NALF1: variants seen among roughly 807,000 people sequenced by gnomAD.
The protein encoded by NALF1 is NALCN channel auxiliary factor 1.
NALF1 carries 3 observed loss-of-function variants against 48.4 expected under a neutral mutation model. The ratio of observed to expected loss-of-function variants is 0.06; its 90% CI spans 0.03 to 0.16. The LOEUF (loss-of-function observed/expected upper bound fraction) is 0.16. NALF1 is among the 10% of genes least tolerant of loss of function. The probability of loss-of-function intolerance (pLI) is 1.00; values close to 1 mark genes in which losing one functional copy is unlikely to be tolerated. For missense variants in NALF1, 526 were observed against 571.5 expected (o/e 0.92, Z 0.81); for synonymous variants, 262 against 245.7 (o/e 1.07, Z -0.62).
intron 1 of NALF1, among the ~76,000 whole-genome samples, chr13:107,567,952 C>T (rs1877863926): frequency 6.6e-6 from 1 of 151,874 alleles, no homozygotes; most frequent in Non-Finnish European, 1.5e-5. Flanking sequence ...TTTTGTATAC[C>T]AATGTTTTGT....
intron 1 of NALF1, among the ~76,000 whole-genome samples, chr13:107,560,903 C>T (rs1023723821): frequency 6.6e-6 from 1 of 152,170 alleles, no homozygotes; most frequent in African/African-American, 2.4e-5. Context: ...TTATTTTCAA[C>T]ATTCCTTTTT....
intron 1 of NALF1, among the ~76,000 whole-genome samples, chr13:107,408,124 G>T (rs1883930922): frequency 6.6e-6 from 1 of 152,006 alleles, no homozygotes; most frequent in African/African-American, 2.4e-5. Flanking sequence ...GATAGCCTGG[G>T]AGTGCACAGG....
At chr13:107,594,074 C>T (rs921410702) in intron 1 of NALF1, among the ~76,000 whole-genome samples, 2 of 151,972 alleles carry the variant, frequency 1.3e-5, no homozygotes, top group African/African-American at 4.8e-5. Flanking sequence ...CATTCATCTC[C>T]TTTTCTTCAA....
intron 1 of NALF1, among the ~76,000 whole-genome samples, chr13:107,763,286 T>C (rs1877318400): frequency 1.3e-5 from 2 of 151,864 alleles, no homozygotes; most frequent in Admixed American, 1.3e-4. Context: ...CAAACTTTAA[T>C]GGGTAAAAAT....
intron 1 of NALF1, among the ~76,000 whole-genome samples, chr13:107,214,517 C>CA (rs1879832386): frequency 6.6e-6 from 1 of 152,130 alleles, no homozygotes; most frequent in Admixed American, 6.5e-5. Flanking sequence ...TCTCTGGTGA[C>CA]AGAGTAATGG....
At chr13:107,507,089 G>A (rs139216180) in intron 1 of NALF1, among the ~76,000 whole-genome samples, 414 of 152,098 alleles carry the variant, frequency 2.7e-3, no homozygotes, top group Non-Finnish European at 4.5e-3. Context: ...GTTCTTTCAC[G>A]AAACTTGTGA....
chr13:107,203,942 G>T (rs1241450037), intron 2 of NALF1, among the ~76,000 whole-genome samples: 4 of 152,244 alleles, frequency 2.6e-5, no homozygotes, highest in Non-Finnish European at 5.9e-5. Flanking sequence ...GCAGAGGGGG[G>T]CAGAGGGAGG....
intron 1 of NALF1, among the ~76,000 whole-genome samples, chr13:107,405,522 A>T (rs1883884227): frequency 6.6e-6 from 1 of 151,896 alleles, no homozygotes; most frequent in African/African-American, 2.4e-5. Flanking sequence ...AGTTGGCCAA[A>T]ATTCCCTTTT....
At chr13:107,601,038 T>C (rs761986217) in intron 1 of NALF1, among the ~76,000 whole-genome samples, 5 of 152,120 alleles carry the variant, frequency 3.3e-5, no homozygotes, top group Non-Finnish European at 5.9e-5. Context: ...CCTAATCATG[T>C]GAAGGATTTC....
At chr13:107,816,413 G>A (rs1441345713) in intron 1 of NALF1, among the ~76,000 whole-genome samples, 1 of 152,166 alleles carries the variant, frequency 6.6e-6, no homozygotes, top group Non-Finnish European at 1.5e-5. Flanking sequence ...TTCTTACATG[G>A]AGTATGAGGA....
At chr13:107,519,994 T>C (rs1452210622) in intron 1 of NALF1, among the ~76,000 whole-genome samples, 2 of 152,190 alleles carry the variant, frequency 1.3e-5, no homozygotes, top group African/African-American at 4.8e-5. Flanking sequence ...AAATTGGAAT[T>C]GCGGAAGTAA....
intron 1 of NALF1, among the ~76,000 whole-genome samples, chr13:107,281,438 C>A (rs1881385786): frequency 6.6e-6 from 1 of 152,064 alleles, no homozygotes; most frequent in South Asian, 2.1e-4. Context: ...TCAAGGAGAG[C>A]AAACAAAATG....
At chr13:107,649,003 C>T (rs962707529) in intron 1 of NALF1, among the ~76,000 whole-genome samples, 1 of 152,050 alleles carries the variant, frequency 6.6e-6, no homozygotes, top group African/African-American at 2.4e-5. Flanking sequence ...TCTTTTCAGA[C>T]CTTTTGCCCA....
intron 2 of NALF1, 59 bp downstream of exon 2, chr13:107,210,525 T>A: frequency 8.3e-7 from 1 of 1,200,030 alleles, no homozygotes; most frequent in Non-Finnish European, 1.2e-6. Context: ...CAAACAAACA[T>A]CACACAAGAA....
chr13:107,582,678 A>T lies in NALF1; in HGVS notation c.915+283004T>A, dbSNP rs1293044628. On this transcript the variant is annotated intron_variant, in intron 1 of 2. Transcript: ENST00000375915. Reference sequence around the variant, plus strand: ...AAGGAAAGATTCAAAGTAATTTTGAAAATATATACATGAAATATTTCTTGT... The same window carrying T: ...AAGGAAAGATTCAAAGTAATTTTGATAATATATACATGAAATATTTCTTGT... Among the ~76,000 whole-genome samples, 4 of 152,316 alleles carry T rather than the reference A, an allele frequency of 2.6e-5. No homozygotes were observed. The South Asian group carries it at 8.3e-4, about 32-fold the overall frequency.
intron 1 of NALF1, among the ~76,000 whole-genome samples, chr13:107,584,935 C>T (rs1878410489): frequency 6.6e-6 from 1 of 152,136 alleles, no homozygotes; most frequent in South Asian, 2.1e-4. Context: ...TCCTATTAGG[C>T]TACTACTTCT....
At chr13:107,520,640 T>C (rs1277682558) in intron 1 of NALF1, among the ~76,000 whole-genome samples, 1 of 152,164 alleles carries the variant, frequency 6.6e-6, no homozygotes, top group Non-Finnish European at 1.5e-5. Flanking sequence ...CACCCAATCA[T>C]TAATTTATCC....
intron 1 of NALF1, among the ~76,000 whole-genome samples, chr13:107,249,457 G>T (rs72666517): frequency 6.6e-6 from 1 of 151,990 alleles, no homozygotes; most frequent in Non-Finnish European, 1.5e-5. Context: ...TTGTCTACAC[G>T]AAGTGATGTT....
chr13:107,757,415 C>CTTTTTTTTTT (rs3074821), intron 1 of NALF1, among the ~76,000 whole-genome samples: 1 of 107,932 alleles, frequency 9.3e-6, no homozygotes, highest in Non-Finnish European at 1.9e-5. Context: ...GCCCTCATTT[C>CTTTTTTTTTT]TTTTTTTTTT....
Sources: allele counts gnomAD v4.1 joint callset (sites outside exome capture counted in the v4.1 genomes callset), GRCh38; gene constraint gnomAD v4.1.1; transcripts MANE v1.5; gene names NCBI Gene and HGNC (gene_info 2026-07-23, HGNC 2026-07-21).